The following TP63 variants were observed in gnomAD, a reference collection of about 807,000 sequenced individuals.
TP63 encodes the protein tumor protein p63.
A neutral mutation model predicts 82.8 loss-of-function variants in TP63; 17 were observed. The observed-to-expected ratio is 0.21, with a 90% CI of 0.14 to 0.31. TP63 has a LOEUF of 0.31. Ranked by LOEUF, TP63 falls within the 10% of genes least tolerant of loss-of-function variation. The pLI is 1.00. For synonymous variants in TP63, 330 were observed against 321.7 expected (o/e 1.03, Z -0.28); for missense variants, 648 against 895.3 (o/e 0.72, Z 3.52).
intron 9 of TP63, 103 bp downstream of exon 9, chr3:189,869,509 G>T: frequency 1.9e-6 from 2 of 1,069,062 alleles, no homozygotes; most frequent in Admixed American, 2.0e-5. Flanking sequence ...TGGGAAAGGA[G>T]GTGTCTTAGT....
chr3:189,870,163 A>G (rs114031124), intron 9 of TP63, among the ~76,000 whole-genome samples: 5,218 of 152,308 alleles, frequency 0.034, 115 homozygotes, highest in Middle Eastern at 0.13. Context: ...CACAAAATTG[A>G]TAATGCAGCA....
At chr3:189,843,194 A>G (rs1714379881) in intron 4 of TP63, among the ~76,000 whole-genome samples, 1 of 152,072 alleles carries the variant, frequency 6.6e-6, no homozygotes, top group South Asian at 2.1e-4. Context: ...TGGCCTCCCC[A>G]AGAAGACCCA....
intron 1 of TP63, among the ~76,000 whole-genome samples, chr3:189,690,180 G>A (rs1259980837): frequency 6.6e-6 from 1 of 152,134 alleles, no homozygotes; most frequent in African/African-American, 2.4e-5. Flanking sequence ...TCAGTAGAAT[G>A]TAATATCATG....
intron 1 of TP63, among the ~76,000 whole-genome samples, chr3:189,734,291 C>T (rs1720413420): frequency 6.6e-6 from 1 of 151,610 alleles, no homozygotes; most frequent in Non-Finnish European, 1.5e-5. Context: ...CCTGCCTCAG[C>T]CTCTCGAATA....
At position 189,802,617 on chromosome 3, in the gene TP63, A is replaced by G. The variant is rs79356987; in HGVS notation, c.325-5655A>G. Among the ~76,000 whole-genome samples the G allele has an allele frequency of 6.3e-3, 954 of 152,294 alleles. 7 individuals carry two copies. Among genetic ancestry groups the G allele is most frequent in the African/African-American group, 0.022 (913 of 41,570 alleles). On this transcript the variant is annotated intron_variant, in intron 3 of 13. Coordinates refer to ENST00000264731, the MANE Select transcript of TP63 (RefSeq NM_003722.5). ...TTGTTCAGCTACCTTGCCCAGAGGTACACAGCACACTAGTGGCAGTGTTGG... is the reference window on the plus strand; with the variant it reads ...TTGTTCAGCTACCTTGCCCAGAGGTGCACAGCACACTAGTGGCAGTGTTGG...
chr3:189,689,022 C>T (rs992929640), intron 1 of TP63, among the ~76,000 whole-genome samples: 2 of 147,760 alleles, frequency 1.4e-5, no homozygotes, highest in East Asian at 2.1e-4. Context: ...TTTTGGGACT[C>T]CTGGAATATC....
chr3:189,814,204 A>G (rs1277627253), intron 4 of TP63, among the ~76,000 whole-genome samples: 1 of 152,200 alleles, frequency 6.6e-6, no homozygotes, highest in Non-Finnish European at 1.5e-5. Context: ...GCAGAAATCT[A>G]ATGCAACCCA....
chr3:189,819,351 T>A (rs1393393879), intron 4 of TP63, among the ~76,000 whole-genome samples: 2 of 152,124 alleles, frequency 1.3e-5, no homozygotes, highest in Non-Finnish European at 2.9e-5. Context: ...TGTGCAGGTT[T>A]GTTACATATG....
At position 189,786,055 on chromosome 3, in the gene TP63, A is replaced by G. The variant is rs967020491; in HGVS notation, c.325-22217A>G. Among the ~76,000 whole-genome samples, 7 of 152,158 alleles carry G rather than the reference A, an allele frequency of 4.6e-5. No individual in the cohort carries two copies. The East Asian group carries it at 9.7e-4, about 21-fold the overall frequency. On this transcript the variant is annotated intron_variant, in intron 3 of 13. Transcript: ENST00000264731. ...CAAACCAAAAAAATCCAGTATAACT[A>G]TTTAACTTTTTCACATAGGGATGTC...
chr3:189,791,914 TACAGAAAAAGC>T (rs1725182608), intron 3 of TP63, among the ~76,000 whole-genome samples: 1 of 151,942 alleles, frequency 6.6e-6, no homozygotes, highest in Non-Finnish European at 1.5e-5. Flanking sequence ...TAACTGTCAA[TACAGAAAAAGC>T]AATCTACTAT....
intron 1 of TP63, among the ~76,000 whole-genome samples, chr3:189,659,474 G>A (rs1229658954): frequency 2.6e-5 from 4 of 151,936 alleles, no homozygotes; most frequent in Non-Finnish European, 4.4e-5. Flanking sequence ...AACCCCAAAT[G>A]GGCACCTTGA....
Position 189,895,982 on chromosome 3 carries a change from A to T in TP63, c.*1480A>T, listed in dbSNP as rs908330854. ...ACATGAAAGGTCCCCACAGAGCAAG[A>T]GATAAGTCTTTCATGGCTGCTGTTG... On this transcript the variant is annotated 3_prime_UTR_variant, in exon 14 of 14. Coordinates refer to ENST00000264731, the MANE Select transcript of TP63 (RefSeq NM_003722.5). 2 of 229,574 alleles carry T rather than the reference A, an allele frequency of 8.7e-6. No individual in the cohort carries two copies. The highest frequency in any genetic ancestry group is 1.7e-5 in the Non-Finnish European group (2 of 115,780). 14.2% of individuals were successfully genotyped at this position (229,574 alleles called of 1,614,324 possible).
chr3:189,706,459 T>G (rs1718205606), intron 1 of TP63, among the ~76,000 whole-genome samples: 1 of 152,132 alleles, frequency 6.6e-6, no homozygotes, highest in African/African-American at 2.4e-5. Context: ...TTTCACCATG[T>G]TGGCCAGGCT....
chr3:189,872,162 T>C (rs926386911), intron 9 of TP63, among the ~76,000 whole-genome samples: 16 of 152,222 alleles, frequency 1.1e-4, no homozygotes, highest in African/African-American at 3.6e-4. Flanking sequence ...TTTAGTTTTA[T>C]GAAGGTGTTG....
At chr3:189,865,416 G>C (rs1050021039) in intron 5 of TP63, among the ~76,000 whole-genome samples, 1 of 152,148 alleles carries the variant, frequency 6.6e-6, no homozygotes, top group Admixed American at 6.5e-5. Flanking sequence ...GCAATGCCAA[G>C]AGTTCCCTTA....
chr3:189,853,274 C>T (rs905382612), intron 4 of TP63, among the ~76,000 whole-genome samples: 10 of 152,210 alleles, frequency 6.6e-5, no homozygotes, highest in African/African-American at 2.4e-4. Context: ...ACATCAGTTG[C>T]TCAAGCCCCT....
At chr3:189,730,588 T>A (rs1560140992) in intron 1 of TP63, among the ~76,000 whole-genome samples, 1 of 152,252 alleles carries the variant, frequency 6.6e-6, no homozygotes, top group Non-Finnish European at 1.5e-5. Flanking sequence ...ACAACTTCCC[T>A]ATCCTTGCTG....
intron 11 of TP63, among the ~76,000 whole-genome samples, chr3:189,887,245 G>A (rs945147092): frequency 6.6e-6 from 1 of 150,400 alleles, no homozygotes; most frequent in Non-Finnish European, 1.5e-5. Flanking sequence ...GTAGATTATC[G>A]TCTGGACTCT....
intron 3 of TP63, among the ~76,000 whole-genome samples, chr3:189,799,749 A>G (rs1187491712): frequency 6.6e-6 from 1 of 152,218 alleles, no homozygotes; most frequent in Non-Finnish European, 1.5e-5. Flanking sequence ...GGGATGCACT[A>G]TAACATTTGT....
Sources: gnomAD v4.1 joint callset for allele counts (sites outside exome capture counted in the v4.1 genomes callset) on GRCh38, gnomAD v4.1.1 for gene constraint, MANE v1.5 for transcripts, NCBI Gene and HGNC (gene_info 2026-07-23, HGNC 2026-07-21) for gene names.